TMEM132B: variants seen among roughly 807,000 people sequenced by gnomAD.
The protein encoded by TMEM132B is transmembrane protein 132B.
TMEM132B carries 18 observed loss-of-function variants against 90.8 expected under a neutral mutation model. The observed-to-expected ratio is 0.20, with a 90% CI of 0.14 to 0.29. The LOEUF (loss-of-function observed/expected upper bound fraction) is 0.29, where lower values mean the gene tolerates loss of function less well. Ranked by LOEUF, TMEM132B falls within the 10% of genes least tolerant of loss-of-function variation. The probability of loss-of-function intolerance (pLI) is 1.00; values close to 1 mark genes in which losing one functional copy is unlikely to be tolerated. For synonymous variants in TMEM132B, 504 were observed against 523.3 expected (o/e 0.96, Z 0.50); for missense variants, 1,096 against 1,326.8 (o/e 0.83, Z 2.70).
chr12:125,238,613 A>C (rs2136089970), intron 1 of TMEM132B, among the ~76,000 whole-genome samples: 1 of 152,350 alleles, frequency 6.6e-6, no homozygotes, highest in South Asian at 2.1e-4. Context: ...ATTTTTGAGA[A>C]ACATTTTGTT....
chr12:125,240,787 G>GAC (rs1874045681), intron 1 of TMEM132B, among the ~76,000 whole-genome samples: 2 of 152,228 alleles, frequency 1.3e-5, no homozygotes, highest in Non-Finnish European at 2.9e-5. Context: ...ACTGCAGTGT[G>GAC]TGATTACGGA....
chr12:125,405,054 G>A (rs998462424), intron 2 of TMEM132B, among the ~76,000 whole-genome samples: 1 of 152,186 alleles, frequency 6.6e-6, no homozygotes, highest in Non-Finnish European at 1.5e-5. Context: ...GCAGCCTCAC[G>A]AGATGGCCAC....
chr12:125,473,454 T>A (rs1169737733), intron 3 of TMEM132B, among the ~76,000 whole-genome samples: 2 of 152,272 alleles, frequency 1.3e-5, no homozygotes, highest in Non-Finnish European at 2.9e-5. Flanking sequence ...ATGCTTGTTT[T>A]GTTTGCCACT....
chr12:125,238,124 T>C (rs1873976994), intron 1 of TMEM132B, among the ~76,000 whole-genome samples: 2 of 152,154 alleles, frequency 1.3e-5, no homozygotes, highest in Admixed American at 1.3e-4. Flanking sequence ...TCTCTTTTTT[T>C]TCTAAAGGGC....
At chr12:125,303,531 T>C (rs1461610019) in intron 1 of TMEM132B, among the ~76,000 whole-genome samples, 4 of 152,232 alleles carry the variant, frequency 2.6e-5, no homozygotes, top group African/African-American at 9.6e-5. Flanking sequence ...CGTATGGTAA[T>C]TCTATGCTTA....
intron 2 of TMEM132B, among the ~76,000 whole-genome samples, chr12:125,409,664 T>TGAGTG (rs762934051): frequency 3.4e-5 from 1 of 29,640 alleles, no homozygotes; most frequent in African/African-American, 1.4e-4. Context: ...TGGAGTGGAG[T>TGAGTG]GAGTGGAGTG....
intron 5 of TMEM132B, chr12:125,586,654 A>G (rs980697542): frequency 2.0e-5 from 3 of 152,206 alleles, no homozygotes; most frequent in African/African-American, 7.2e-5. Flanking sequence ...TGTAGATACC[A>G]CCCACCTCTG....
At chr12:125,412,894 A>G (rs184504817) in intron 2 of TMEM132B, among the ~76,000 whole-genome samples, 1 of 152,200 alleles carries the variant, frequency 6.6e-6, no homozygotes, top group East Asian at 1.9e-4. Context: ...TTGTGAAAGT[A>G]GCAGATTTGG....
intron 5 of TMEM132B, among the ~76,000 whole-genome samples, chr12:125,601,774 AG>A (rs1407568080): frequency 6.6e-5 from 10 of 150,962 alleles, no homozygotes; most frequent in Non-Finnish European, 1.3e-4. Flanking sequence ...AAAATGATAA[AG>A]GGGATATCAC....
At chr12:125,603,216 G>A (rs975857726) in intron 5 of TMEM132B, among the ~76,000 whole-genome samples, 1 of 152,114 alleles carries the variant, frequency 6.6e-6, no homozygotes, top group Non-Finnish European at 1.5e-5. Context: ...ATACTACAAG[G>A]CTACAGTAAC....
At chr12:125,456,958 C>A (rs1319469526) in intron 3 of TMEM132B, among the ~76,000 whole-genome samples, 4 of 152,238 alleles carry the variant, frequency 2.6e-5, no homozygotes, top group Non-Finnish European at 4.4e-5. Flanking sequence ...GTGATCTTCT[C>A]TTTCCCAGCC....
chr12:125,654,867 A>G lies in TMEM132B; in HGVS notation c.*157A>G. The G allele has an allele frequency of 3.4e-6, 3 of 886,136 alleles. No homozygotes were observed. The highest frequency in any genetic ancestry group is 1.7e-5 in the African/African-American group (1 of 59,130). 54.9% of individuals were successfully genotyped at this position (886,136 alleles called of 1,614,324 possible). A position where few individuals can be genotyped will look rare whatever the true frequency, so the allele number is the denominator to read the frequency against. On this transcript the variant is annotated 3_prime_UTR_variant, in exon 9 of 9. Coordinates refer to ENST00000682704, the MANE Select transcript of TMEM132B (RefSeq NM_001366854.1). This position sits in a 1 kb window ranked among gnomAD's most constrained non-coding sequence, Gnocchi z 5.8. ...GCAGGTAAAAGAGGTTTGGAGAGCT[A>G]TAGAAGCTGGGTTTTAAGTTTGGAA... is the stretch of plus-strand genomic sequence containing the variant.
At chr12:125,244,993 G>GT (rs1874175294) in intron 1 of TMEM132B, among the ~76,000 whole-genome samples, 1 of 152,134 alleles carries the variant, frequency 6.6e-6, no homozygotes, top group African/African-American at 2.4e-5. Context: ...CTGGGCAACT[G>GT]TTTCCCAGAC....
At chr12:125,630,039 G>A (rs1479980119) in intron 5 of TMEM132B, among the ~76,000 whole-genome samples, 1 of 152,080 alleles carries the variant, frequency 6.6e-6, no homozygotes. Flanking sequence ...AATTCAGTTT[G>A]CTAGTATTTT....
At chr12:125,273,454 G>T (rs888519760) in intron 1 of TMEM132B, among the ~76,000 whole-genome samples, 3 of 152,144 alleles carry the variant, frequency 2.0e-5, no homozygotes, top group African/African-American at 7.2e-5. Flanking sequence ...GGGCATGGTT[G>T]CTCATGCCTG....
At chr12:125,350,877 G>T (rs1025498459) in intron 2 of TMEM132B, among the ~76,000 whole-genome samples, 6 of 152,188 alleles carry the variant, frequency 3.9e-5, no homozygotes, top group African/African-American at 9.7e-5. Flanking sequence ...GTGTGCATTG[G>T]CTGGAACAAA....
chr12:125,550,155 T>A (rs902970198), intron 4 of TMEM132B, among the ~76,000 whole-genome samples: 1 of 152,210 alleles, frequency 6.6e-6, no homozygotes, highest in Admixed American at 6.5e-5. Flanking sequence ...CCAGTGAGTT[T>A]GACTCTGCTT....
At chr12:125,193,988 C>T (rs1872865050) in intron 1 of TMEM132B, among the ~76,000 whole-genome samples, 1 of 152,176 alleles carries the variant, frequency 6.6e-6, no homozygotes, top group Admixed American at 6.5e-5. Flanking sequence ...ACTCTCAATG[C>T]CCATTCTCTG....
chr12:125,613,247 GTTTATA>G (rs970556275), intron 5 of TMEM132B, among the ~76,000 whole-genome samples: 2 of 130,146 alleles, frequency 1.5e-5, no homozygotes, highest in Non-Finnish European at 3.2e-5. Flanking sequence ...TATAGTGGGT[GTTTATA>G]TTTATGGGGT....
Sources: gnomAD v4.1 joint callset for allele counts (sites outside exome capture counted in the v4.1 genomes callset) on GRCh38, gnomAD v4.1.1 for gene constraint, Gnocchi (gnomAD v3.1) non-coding constraint, MANE v1.5 for transcripts, NCBI Gene and HGNC (gene_info 2026-07-23, HGNC 2026-07-21) for gene names.